NTRK3: variants seen among roughly 807,000 people sequenced by gnomAD.
The protein encoded by NTRK3 is neurotrophic receptor tyrosine kinase 3, also known as NT-3 growth factor receptor.
In NTRK3, 24 loss-of-function variants were observed where a neutral mutation model predicts 91.7. That is an observed-to-expected ratio of 0.26 (90% CI 0.19 to 0.37). The LOEUF (loss-of-function observed/expected upper bound fraction) is 0.37, where lower values mean the gene tolerates loss of function less well. Ranked by LOEUF, NTRK3 falls within the 10% of genes least tolerant of loss-of-function variation. The pLI is 1.00. For synonymous variants in NTRK3, 483 were observed against 404.0 expected (o/e 1.20, Z -2.34); for missense variants, 880 against 1,068.9 (o/e 0.82, Z 2.46).
intron 5 of NTRK3, among the ~76,000 whole-genome samples, chr15:88,169,410 G>A (rs920923855): frequency 5.3e-5 from 8 of 152,196 alleles, no homozygotes; most frequent in African/African-American, 1.9e-4. Flanking sequence ...TAGGGCCCTT[G>A]TGGAGGAAGC....
chr15:88,134,992 G>A, intron 10 of NTRK3, 109 bp downstream of exon 10: 1 of 1,313,738 alleles, frequency 7.6e-7, no homozygotes, highest in Non-Finnish European at 1.1e-6. Context: ...TGTTGCCCAT[G>A]ATAACAGTAT....
At chr15:88,230,865 C>T (rs1402535584) in intron 3 of NTRK3, among the ~76,000 whole-genome samples, 2 of 152,196 alleles carry the variant, frequency 1.3e-5, no homozygotes, top group Non-Finnish European at 2.9e-5. Flanking sequence ...ATAAAGCTCT[C>T]ACAAGAGAAA....
intron 13 of NTRK3, among the ~76,000 whole-genome samples, chr15:88,108,090 T>G (rs953617734): frequency 2.0e-5 from 3 of 152,076 alleles, no homozygotes; most frequent in African/African-American, 7.2e-5. Flanking sequence ...GGAAGAGCAA[T>G]TCCAATCTGA....
intron 17 of NTRK3, among the ~76,000 whole-genome samples, chr15:87,895,633 T>C (rs1364759509): frequency 1.3e-5 from 2 of 152,178 alleles, no homozygotes; most frequent in African/African-American, 2.4e-5. Context: ...TTCCTTCCTC[T>C]CTTTCCAGAT....
intron 14 of NTRK3, among the ~76,000 whole-genome samples, chr15:88,030,317 C>A (rs1261117937): frequency 6.6e-6 from 1 of 152,168 alleles, no homozygotes; most frequent in Non-Finnish European, 1.5e-5. Flanking sequence ...CATGGTTTGC[C>A]TAGTGGGATG....
At chr15:88,169,565 G>A (rs1262072690) in intron 5 of NTRK3, among the ~76,000 whole-genome samples, 5 of 152,172 alleles carry the variant, frequency 3.3e-5, no homozygotes, top group Non-Finnish European at 2.9e-5. Flanking sequence ...CTGCCTCAGT[G>A]AGAGAGATCT....
At chr15:88,217,907 C>T (rs370487907) in intron 3 of NTRK3, among the ~76,000 whole-genome samples, 1 of 152,040 alleles carries the variant, frequency 6.6e-6, no homozygotes, top group Non-Finnish European at 1.5e-5. Flanking sequence ...TACAGGCGCC[C>T]GCCACCGCGT....
Position 88,137,569 on chromosome 15 carries a change from C to A in NTRK3, c.465-8G>T. The A allele has an allele frequency of 1.2e-6, 2 of 1,613,288 alleles. No homozygotes were observed. Among genetic ancestry groups the A allele is most frequent in the Non-Finnish European group, 1.7e-6 (2 of 1,179,796 alleles). ...AAGTTCTGCTCCAACTGCCTGTCGG[C>A]AAAGAGAGAGGGGAAGGGAACCTCT... On this transcript the variant is annotated splice_polypyrimidine_tract_variant and splice_region_variant and intron_variant, in intron 6 of 18. Transcript: ENST00000394480.
Position 88,237,732 on chromosome 15 carries a change from A to C in NTRK3, c.248+18174T>G, listed in dbSNP as rs1298840940. Among the ~76,000 whole-genome samples, 1 of 152,078 alleles carries C rather than the reference A, an allele frequency of 6.6e-6. No individual in the cohort carries two copies. Among genetic ancestry groups the C allele is most frequent in the African/African-American group, 2.4e-5 (1 of 41,390 alleles). ...TGCTTACATGACCGACTAAGCAGACACTTTGGGCATTCGCAACAAGACACA... is the reference window on the plus strand; with the variant it reads ...TGCTTACATGACCGACTAAGCAGACCCTTTGGGCATTCGCAACAAGACACA... On this transcript the variant is annotated intron_variant, in intron 3 of 18. Coordinates refer to ENST00000394480, the Ensembl canonical transcript of NTRK3. The surrounding 1 kb of genome is among the most constrained non-coding windows in gnomAD (Gnocchi z 4.0).
intron 3 of NTRK3, among the ~76,000 whole-genome samples, chr15:88,208,042 C>G (rs190391893): frequency 6.6e-6 from 1 of 152,282 alleles, no homozygotes; most frequent in Non-Finnish European, 1.5e-5. Context: ...TCACCCCACT[C>G]CCTGCAATGG....
chr15:88,218,526 A>G (rs1449793440), intron 3 of NTRK3, among the ~76,000 whole-genome samples: 3 of 152,208 alleles, frequency 2.0e-5, no homozygotes, highest in Non-Finnish European at 2.9e-5. Context: ...AATGCTTGCT[A>G]AGGGCTGGGG....
Position 88,224,314 on chromosome 15 carries a change from C to A in NTRK3, c.248+31592G>T, listed in dbSNP as rs1023322065. Among the ~76,000 whole-genome samples, 13 of 152,328 alleles carry A rather than the reference C, an allele frequency of 8.5e-5. No individual in the cohort carries two copies. The East Asian group carries it at 1.4e-3, about 16-fold the overall frequency. On this transcript the variant is annotated intron_variant, in intron 3 of 18. Coordinates refer to ENST00000394480, the Ensembl canonical transcript of NTRK3. Reference sequence around the variant, plus strand: ...TAGGACAGGCTGAACAGTTGGCCTGCAGAGTCTGAGGCCTGGAGAGCAAGT... The same window carrying A: ...TAGGACAGGCTGAACAGTTGGCCTGAAGAGTCTGAGGCCTGGAGAGCAAGT...
At chr15:87,878,906 GGTGTGTGTGTGTGTGT>G (rs34029623) in intron 18 of NTRK3, among the ~76,000 whole-genome samples, 62 of 142,030 alleles carry the variant, frequency 4.4e-4, no homozygotes, top group South Asian at 7.3e-4. Context: ...GTGCATGCAT[GGTGTGTGTGTGTGTGT>G]GTGTGTGTGT....
chr15:88,104,923 C>A (rs145888122), intron 13 of NTRK3, among the ~76,000 whole-genome samples: 9 of 152,202 alleles, frequency 5.9e-5, no homozygotes, highest in Non-Finnish European at 1.2e-4. Flanking sequence ...TCTGCTTCTG[C>A]GAGTTGGGCT....
chr15:87,942,226 C>T (rs1404275849), intron 14 of NTRK3, among the ~76,000 whole-genome samples: 3 of 152,222 alleles, frequency 2.0e-5, no homozygotes, highest in Non-Finnish European at 4.4e-5. Context: ...TTTCTCCTCC[C>T]CCTAGGACAG....
At chr15:88,094,066 C>A (rs571062244) in intron 13 of NTRK3, among the ~76,000 whole-genome samples, 1 of 152,112 alleles carries the variant, frequency 6.6e-6, no homozygotes, top group Non-Finnish European at 1.5e-5. Flanking sequence ...CTCACTCCTC[C>A]CCAAGCACAC....
At chr15:87,960,958 C>A (rs1567156447) in intron 14 of NTRK3, among the ~76,000 whole-genome samples, 1 of 152,216 alleles carries the variant, frequency 6.6e-6, no homozygotes, top group Admixed American at 6.5e-5. Context: ...ACTTCACCCC[C>A]CTGACTTTAC....
intron 3 of NTRK3, among the ~76,000 whole-genome samples, chr15:88,215,411 C>T (rs1448900252): frequency 6.6e-6 from 1 of 152,216 alleles, no homozygotes; most frequent in Non-Finnish European, 1.5e-5. Context: ...TGCGTGTAGG[C>T]ATTCATTCCA....
chr15:88,078,909 G>C (rs948665518), intron 13 of NTRK3, among the ~76,000 whole-genome samples: 1 of 152,236 alleles, frequency 6.6e-6, no homozygotes, highest in Non-Finnish European at 1.5e-5. Flanking sequence ...TAGGTCAGGA[G>C]GTGTGGGGCC....
Sources: gnomAD v4.1 joint callset for allele counts (sites outside exome capture counted in the v4.1 genomes callset) on GRCh38, gnomAD v4.1.1 for gene constraint, Gnocchi (gnomAD v3.1) non-coding constraint, MANE v1.5 for transcripts, NCBI Gene and HGNC (gene_info 2026-07-23, HGNC 2026-07-21) for gene names.